Variants in GRIP1 observed in about 807,000 individuals in gnomAD.
The protein encoded by GRIP1 is glutamate receptor interacting protein 1, also known as glutamate receptor-interacting protein 1.
GRIP1 carries 45 observed loss-of-function variants against 129.9 expected under a neutral mutation model. The ratio of observed to expected loss-of-function variants is 0.35; its 90% CI spans 0.27 to 0.44. The LOEUF is 0.44. Among genes scored for constraint, GRIP1 ranks in the 20% least tolerant of loss-of-function variants. GRIP1 has a pLI of 1.00. For synonymous variants in GRIP1, 530 were observed against 520.8 expected (o/e 1.02, Z -0.24); for missense variants, 1,196 against 1,396.8 (o/e 0.86, Z 2.29).
intron 1 of GRIP1, among the ~76,000 whole-genome samples, chr12:66,887,143 G>A (rs955840981): frequency 1.2e-4 from 19 of 152,230 alleles, no homozygotes; most frequent in African/African-American, 4.3e-4. Flanking sequence ...CTGCGTCAGT[G>A]TAGGAGATAA....
intron 1 of GRIP1, among the ~76,000 whole-genome samples, chr12:66,983,374 G>A (rs1162213747): frequency 6.6e-6 from 1 of 151,878 alleles, no homozygotes; most frequent in Non-Finnish European, 1.5e-5. Flanking sequence ...GTAAATATAA[G>A]GTATTGTTAT....
intron 24 of GRIP1, among the ~76,000 whole-genome samples, chr12:66,349,554 G>A (rs1592662841): frequency 6.6e-6 from 1 of 152,198 alleles, no homozygotes; most frequent in Non-Finnish European, 1.5e-5. Context: ...TTACAGATGA[G>A]AAAAGCAAGC....
At chr12:66,474,665 G>A (rs2059549363) in intron 7 of GRIP1, among the ~76,000 whole-genome samples, 1 of 151,648 alleles carries the variant, frequency 6.6e-6, no homozygotes, top group Admixed American at 6.5e-5. Context: ...GAGAGTGGGG[G>A]CCAATATTCA....
At chr12:66,973,171 T>C (rs1454598641) in intron 1 of GRIP1, among the ~76,000 whole-genome samples, 1 of 152,174 alleles carries the variant, frequency 6.6e-6, no homozygotes, top group Non-Finnish European at 1.5e-5. Flanking sequence ...GTAATTTTTA[T>C]AAATCTATAT....
At chr12:66,737,146 G>A (rs1003297969) in intron 1 of GRIP1, among the ~76,000 whole-genome samples, 2 of 152,138 alleles carry the variant, frequency 1.3e-5, no homozygotes, top group Admixed American at 6.5e-5. Flanking sequence ...GGGTTACTAT[G>A]TCATTCCCCT....
intron 1 of GRIP1, among the ~76,000 whole-genome samples, chr12:66,835,919 C>T (rs950286298): frequency 6.6e-6 from 1 of 151,930 alleles, no homozygotes; most frequent in Non-Finnish European, 1.5e-5. Context: ...ACAAATGTGC[C>T]ACTCTGGTGG....
chr12:66,681,129 C>G (rs948488392), upstream of GRIP1, among the ~76,000 whole-genome samples: 2 of 152,232 alleles, frequency 1.3e-5, no homozygotes, highest in Admixed American at 6.5e-5. Context: ...TCTTTGAATA[C>G]TGTGGCTGCC....
intron 1 of GRIP1, among the ~76,000 whole-genome samples, chr12:66,743,395 C>G (rs765886953): frequency 1.3e-5 from 2 of 151,856 alleles, no homozygotes; most frequent in Non-Finnish European, 2.9e-5. Context: ...ACCAGGGAAA[C>G]TTTATTATGA....
upstream of GRIP1, among the ~76,000 whole-genome samples, chr12:66,806,992 TAAGG>T (rs936191710): frequency 4.6e-5 from 7 of 151,808 alleles, no homozygotes; most frequent in African/African-American, 1.7e-4. Context: ...GAAGCCAGGA[TAAGG>T]AAGCTGTTAT....
chr12:66,764,964 C>T (rs1408358775), intron 1 of GRIP1, among the ~76,000 whole-genome samples: 1 of 152,180 alleles, frequency 6.6e-6, no homozygotes, highest in Non-Finnish European at 1.5e-5. Context: ...CTCATCGAAT[C>T]CTTACAAAAC....
chr12:67,004,859 G>C (rs2042604214), intron 1 of GRIP1, among the ~76,000 whole-genome samples: 1 of 152,020 alleles, frequency 6.6e-6, no homozygotes, highest in Non-Finnish European at 1.5e-5. Flanking sequence ...GCTTATCTAA[G>C]ATAAGGCACA....
chr12:66,443,504 G>A (rs1455865662), intron 13 of GRIP1, among the ~76,000 whole-genome samples: 1 of 151,180 alleles, frequency 6.6e-6, no homozygotes. Context: ...GCCCAGGCTG[G>A]AGTGCAGTGG....
At chr12:66,457,376 T>A (rs779081669) in intron 9 of GRIP1, among the ~76,000 whole-genome samples, 79 of 152,146 alleles carry the variant, frequency 5.2e-4, no homozygotes, top group Non-Finnish European at 1.1e-3. Flanking sequence ...CAGGCAATCC[T>A]CCCGCCTCAG....
intron 1 of GRIP1, among the ~76,000 whole-genome samples, chr12:66,720,255 A>T (rs1673230174): frequency 6.6e-6 from 1 of 152,204 alleles, no homozygotes; most frequent in Admixed American, 6.6e-5. Flanking sequence ...CATTATATCT[A>T]AAAAGCAATG....
At chr12:66,401,699 G>A (rs1266722356) in intron 16 of GRIP1, among the ~76,000 whole-genome samples, 1 of 148,146 alleles carries the variant, frequency 6.8e-6, no homozygotes, top group Non-Finnish European at 1.5e-5. Context: ...TGTAAAGTAA[G>A]CATTAAATGG....
chr12:66,666,842 T>A (rs1461744487), intron 1 of GRIP1, among the ~76,000 whole-genome samples: 5 of 152,164 alleles, frequency 3.3e-5, no homozygotes, highest in Admixed American at 3.3e-4. Flanking sequence ...GATAGACATT[T>A]TTAGGTTTGA....
intron 1 of GRIP1, among the ~76,000 whole-genome samples, chr12:66,951,448 C>T (rs1425948556): frequency 6.6e-6 from 1 of 152,082 alleles, no homozygotes; most frequent in Non-Finnish European, 1.5e-5. Flanking sequence ...GAACATGTGG[C>T]TGTAACAGAG....
At chr12:66,537,902 T>G (rs1426248465) in intron 4 of GRIP1, among the ~76,000 whole-genome samples, 1 of 152,238 alleles carries the variant, frequency 6.6e-6, no homozygotes, top group Non-Finnish European at 1.5e-5. Flanking sequence ...TTGGAAAAAC[T>G]GGTGCCGCTG....
rs952102905 is a variant in GRIP1 at position 66,731,902 on chromosome 12, G to T, written c.-420+72151C>A. The stretch of plus-strand genomic sequence containing the variant: ...ACACATAAAATATGTTGAGGATATG[G>T]CTTTTAAATTTTCAAATGTATTTGT... On this transcript the variant is annotated intron_variant, in intron 1 of 4. Coordinates refer to the GRIP1 transcript ENST00000538373. 2.6e-5 allele frequency among the ~76,000 whole-genome samples: 4 copies of T among 152,104 alleles called. No individual in the cohort carries two copies. The East Asian group carries it at 7.7e-4, about 29-fold the overall frequency.
Sources: allele counts gnomAD v4.1 joint callset (sites outside exome capture counted in the v4.1 genomes callset), GRCh38; gene constraint gnomAD v4.1.1; transcripts MANE v1.5; gene names NCBI Gene and HGNC (gene_info 2026-07-23, HGNC 2026-07-21).